Variants in UTP15 observed in about 807,000 individuals in gnomAD.
UTP15 encodes the protein U3 small nucleolar RNA-associated protein 15 homolog.
A neutral mutation model predicts 59.1 loss-of-function variants in UTP15; 5 were observed. The ratio of observed to expected loss-of-function variants is 0.08; its 90% CI spans 0.04 to 0.18. The LOEUF (loss-of-function observed/expected upper bound fraction) is 0.18, where lower values mean the gene tolerates loss of function less well. Among genes scored for constraint, UTP15 ranks in the 10% least tolerant of loss-of-function variants. The pLI is 1.00. For missense variants in UTP15, 494 were observed against 616.7 expected (o/e 0.80, Z 2.11); for synonymous variants, 211 against 212.2 (o/e 0.99, Z 0.05).
At chr5:73,579,428 G>T in intron 12 of UTP15, 53 bp downstream of exon 12, 1 of 1,356,506 alleles carries the variant, frequency 7.4e-7, no homozygotes, top group Non-Finnish European at 1.0e-6. Context: ...AAGTAGAGAT[G>T]TCAAATAATC....
At chr5:73,566,535 G>A (rs574611885) in intron 1 of UTP15, among the ~76,000 whole-genome samples, 37 of 152,230 alleles carry the variant, frequency 2.4e-4, no homozygotes, top group Non-Finnish European at 4.9e-4. Context: ...TATTTATCGT[G>A]GTGTTACTAA....
At chr5:73,573,245 GA>G (rs1018659708) in intron 7 of UTP15, among the ~76,000 whole-genome samples, 2 of 148,598 alleles carry the variant, frequency 1.3e-5, no homozygotes, top group African/African-American at 2.5e-5. Context: ...CATATATTTT[GA>G]AGTTTTTTTT....
chr5:73,570,246 T>C (rs1747893471), intron 5 of UTP15, among the ~76,000 whole-genome samples: 1 of 152,240 alleles, frequency 6.6e-6, no homozygotes, highest in African/African-American at 2.4e-5. Flanking sequence ...AGAACTGTAA[T>C]GTATAGTACC....
At chr5:73,575,452 A>G (rs932330367) in intron 7 of UTP15, among the ~76,000 whole-genome samples, 7 of 152,346 alleles carry the variant, frequency 4.6e-5, no homozygotes, top group African/African-American at 1.7e-4. Flanking sequence ...CCTACAATGC[A>G]CAGAACAACC....
intron 2 of UTP15, 178 bp downstream of exon 2, chr5:73,567,612 A>G (rs552189474): frequency 3.7e-5 from 17 of 453,506 alleles, no homozygotes; most frequent in African/African-American, 3.2e-4. Context: ...GTAAAAGTCC[A>G]TACTGCTTAA....
At chr5:73,566,601 T>C (rs1747776158) in intron 1 of UTP15, among the ~76,000 whole-genome samples, 2 of 152,256 alleles carry the variant, frequency 1.3e-5, no homozygotes, top group African/African-American at 4.8e-5. Flanking sequence ...TGGAATCATT[T>C]ACCTGATAAC....
chr5:73,574,526 C>T (rs930528283), intron 7 of UTP15, among the ~76,000 whole-genome samples: 1 of 148,332 alleles, frequency 6.7e-6, no homozygotes, highest in Non-Finnish European at 1.5e-5. Flanking sequence ...TTTGCTCTGT[C>T]GCCCAGGCTG....
intron 1 of UTP15, chr5:73,566,317 A>G (rs1747762211): frequency 5.3e-6 from 1 of 188,818 alleles, no homozygotes; most frequent in Non-Finnish European, 1.1e-5. Context: ...ATCTGGTGCC[A>G]GTCACCAGCC....
chr5:73,578,833 C>T lies in UTP15; in HGVS notation c.1127C>T (p.Ala376Val). The T allele has an allele frequency of 6.2e-7, 1 of 1,613,824 alleles. No homozygotes were observed. Among genetic ancestry groups the T allele is most frequent in the South Asian group, 1.1e-5 (1 of 91,082 alleles). ...RDLKHFRISK[A>V]LDRVLDPTCT... is the part of the protein sequence containing the mutation. ...CTGAAACATTTTCGGATCTCTAAGGCACTCGATAGAGTTCTTGATGTGAGT... is the reference window on the plus strand; with the variant it reads ...CTGAAACATTTTCGGATCTCTAAGGTACTCGATAGAGTTCTTGATGTGAGT... Residue 376 changes from alanine to valine, a missense_variant, in exon 10 of 13, where the codon GCA becomes GTA. By Grantham distance (64) the Ala-to-Val change is moderately conservative. Transcript: ENST00000296792.
intron 7 of UTP15, 69 bp downstream of exon 7, chr5:73,572,693 A>G (rs1747967035): frequency 6.9e-7 from 1 of 1,448,676 alleles, no homozygotes; most frequent in Non-Finnish European, 9.4e-7. Context: ...GAAATGAGTT[A>G]TTTCAGCAAT....
rs915184846 is a variant in UTP15, at chr5:73,580,322, G to A, written c.*228G>A. The A allele has an allele frequency of 5.4e-5, 22 of 403,894 alleles. No individual in the cohort carries two copies. Among genetic ancestry groups the A allele is most frequent in the Middle Eastern group, 7.0e-4 (1 of 1,434 alleles). 25.0% of individuals were successfully genotyped at this position (403,894 alleles called of 1,614,324 possible). A position where few individuals can be genotyped will look rare whatever the true frequency, so the allele number is the denominator to read the frequency against. ...CATCTTCACCTAGAAGATCTCAATT[G>A]TCTTAGTCACAGAGTAGGTTTATCT... On this transcript the variant is annotated 3_prime_UTR_variant, in exon 13 of 13. Coordinates refer to ENST00000296792, the MANE Select transcript of UTP15 (RefSeq NM_032175.4).
At chr5:73,578,937 A>ATATATAC in intron 10 of UTP15, 80 bp from the exon 11 acceptor site, 6 of 1,599,424 alleles carry the variant, frequency 3.8e-6, no homozygotes, top group South Asian at 1.1e-5. Context: ...AATATTATTC[A>ATATATAC]AACTTGATAA....
At chr5:73,566,909 T>C (rs1195679402) in intron 1 of UTP15, among the ~76,000 whole-genome samples, 1 of 152,250 alleles carries the variant, frequency 6.6e-6, no homozygotes, top group Non-Finnish European at 1.5e-5. Flanking sequence ...TTCAGGAAAC[T>C]TGTATTTGCA....
intron 7 of UTP15, among the ~76,000 whole-genome samples, chr5:73,576,299 T>C (rs1181278136): frequency 6.6e-6 from 1 of 151,320 alleles, no homozygotes; most frequent in African/African-American, 2.4e-5. Context: ...AGACATCGGG[T>C]TATGCCGTGT....
chr5:73,577,585 A>T (rs1748138857), intron 8 of UTP15, among the ~76,000 whole-genome samples: 1 of 152,238 alleles, frequency 6.6e-6, no homozygotes, highest in Admixed American at 6.5e-5. Flanking sequence ...GCTACTGTGT[A>T]ATCTTTGATG....
chr5:73,570,737 A>C, intron 6 of UTP15, 26 bp downstream of exon 6: 1 of 1,606,384 alleles, frequency 6.2e-7, no homozygotes, highest in East Asian at 2.2e-5. Flanking sequence ...AGCTTTCACC[A>C]ATATTGTTGG....
intron 1 of UTP15, chr5:73,566,195 A>G: frequency 4.5e-6 from 1 of 221,488 alleles, no homozygotes; most frequent in Non-Finnish European, 9.3e-6. Flanking sequence ...AGGTGAAGTG[A>G]ACCTAATGGA....
intron 8 of UTP15, 57 bp downstream of exon 8, chr5:73,577,093 TA>T: frequency 1.5e-6 from 2 of 1,315,776 alleles, no homozygotes; most frequent in East Asian, 2.3e-5. Flanking sequence ...TAAATGAAAC[TA>T]AAATGGAACT....
In UTP15 at chr5:73,574,383, A is replaced by G. The variant is rs544237641; in HGVS notation, c.809+1759A>G. On this transcript the variant is annotated intron_variant, in intron 7 of 12. Transcript: ENST00000296792. ...TCAGTTTTTAAATTAAAATTAGATA[A>G]AATAAAAAATTTAGTTTCTCATTTT... 7.2e-5 allele frequency among the ~76,000 whole-genome samples: 11 copies of G among 152,278 alleles called. No homozygotes were observed. In the East Asian group the frequency reaches 2.1e-3, roughly 29 times the overall value.
Sources: gnomAD v4.1 joint callset for allele counts (sites outside exome capture counted in the v4.1 genomes callset) on GRCh38, gnomAD v4.1.1 for gene constraint, MANE v1.5 for transcripts, NCBI Gene and HGNC (gene_info 2026-07-23, HGNC 2026-07-21) for gene names.